Variants in DRC11 observed in about 807,000 individuals in gnomAD.
DRC11 encodes the protein IQ and AAA domain-containing protein 1.
chr2:236,398,586 G>T, the DRC11 span, among the ~76,000 whole-genome samples: 1 of 152,192 alleles, frequency 6.6e-6, no homozygotes, highest in South Asian at 2.1e-4. This position sits in a 1 kb window ranked among gnomAD's most constrained non-coding sequence, Gnocchi z 6.2. Flanking sequence ...AGGTCACCTT[G>T]GCAGGTCACT....
the DRC11 span, among the ~76,000 whole-genome samples, chr2:236,375,174 C>T: frequency 3.9e-5 from 6 of 152,274 alleles, no homozygotes; most frequent in East Asian, 1.9e-4. The surrounding 1 kb of genome is among the most constrained non-coding windows in gnomAD (Gnocchi z 4.2). Flanking sequence ...TTGGTGGGCG[C>T]ACAGATCTAA....
At chr2:236,387,982 T>A in the DRC11 span, among the ~76,000 whole-genome samples, 1 of 152,206 alleles carries the variant, frequency 6.6e-6, no homozygotes, top group Non-Finnish European at 1.5e-5. Context: ...GAATGTTGAA[T>A]ATTGGCCCCC....
chr2:236,387,121 G>GA, the DRC11 span, among the ~76,000 whole-genome samples: 1 of 151,934 alleles, frequency 6.6e-6, no homozygotes, highest in South Asian at 2.1e-4. Flanking sequence ...GTGTGGTGAT[G>GA]AAAAAAATGT....
chr2:236,401,912 A>T, the DRC11 span, among the ~76,000 whole-genome samples: 1 of 152,174 alleles, frequency 6.6e-6, no homozygotes, highest in African/African-American at 2.4e-5. This position sits in a 1 kb window ranked among gnomAD's most constrained non-coding sequence, Gnocchi z 4.6. Flanking sequence ...TCATTTCTTT[A>T]AAGACTCACT....
the DRC11 span, among the ~76,000 whole-genome samples, chr2:236,354,185 G>C: frequency 6.7e-6 from 1 of 148,886 alleles, no homozygotes; most frequent in African/African-American, 2.5e-5. Flanking sequence ...GTGTATGTCT[G>C]TGGTCAATGT....
At chr2:236,405,083 T>G in the DRC11 span, among the ~76,000 whole-genome samples, 1 of 152,140 alleles carries the variant, frequency 6.6e-6, no homozygotes, top group African/African-American at 2.4e-5. The surrounding 1 kb of genome is among the most constrained non-coding windows in gnomAD (Gnocchi z 4.6). Context: ...GTGATTAGCT[T>G]TCAATGTATG....
chr2:236,500,365 G>C, the DRC11 span, among the ~76,000 whole-genome samples: 21 of 152,088 alleles, frequency 1.4e-4, no homozygotes, highest in Non-Finnish European at 2.1e-4. The surrounding 1 kb of genome is among the most constrained non-coding windows in gnomAD (Gnocchi z 6.3). Flanking sequence ...ATCGCTTCCC[G>C]TTTGTCAGGG....
the DRC11 span, among the ~76,000 whole-genome samples, chr2:236,491,001 T>C: frequency 6.9e-6 from 1 of 144,718 alleles, no homozygotes; most frequent in Non-Finnish European, 1.5e-5. Context: ...CAAGAATATA[T>C]TGTGTGTATA....
the DRC11 span, among the ~76,000 whole-genome samples, chr2:236,502,237 T>C: frequency 0.16 from 23,809 of 152,128 alleles, 4,801 homozygotes; most frequent in African/African-American, 0.47. Context: ...TGCTTATAAA[T>C]GGCATGACTG....
chr2:236,428,773 T>C, the DRC11 span, among the ~76,000 whole-genome samples: 1 of 152,228 alleles, frequency 6.6e-6, no homozygotes, highest in African/African-American at 2.4e-5. Flanking sequence ...TGCTGCCACT[T>C]TATTACTTTC....
chr2:236,380,452 C>T, the DRC11 span: 6 of 808,694 alleles, frequency 7.4e-6, no homozygotes, highest in Non-Finnish European at 1.2e-5. The surrounding 1 kb of genome is among the most constrained non-coding windows in gnomAD (Gnocchi z 4.9). Flanking sequence ...TCCCACCACT[C>T]CGGGACTGTG....
chr2:236,369,811 G>A, the DRC11 span, among the ~76,000 whole-genome samples: 6 of 152,166 alleles, frequency 3.9e-5, no homozygotes, highest in Admixed American at 6.6e-5. The surrounding 1 kb of genome is among the most constrained non-coding windows in gnomAD (Gnocchi z 4.5). Context: ...TTCGGAGCTC[G>A]GAAAGTCCAG....
the DRC11 span, among the ~76,000 whole-genome samples, chr2:236,389,659 G>C: frequency 2.0e-5 from 3 of 152,316 alleles, no homozygotes; most frequent in South Asian, 2.1e-4. Flanking sequence ...GGCCGGAGCT[G>C]TTCCTATTCG....
chr2:236,356,094 C>A, the DRC11 span, among the ~76,000 whole-genome samples: 2 of 152,094 alleles, frequency 1.3e-5, no homozygotes. Context: ...TGCCTCGGCC[C>A]CGTTCTCCCA....
the DRC11 span, among the ~76,000 whole-genome samples, chr2:236,360,400 CTG>C: frequency 2.6e-5 from 4 of 152,136 alleles, no homozygotes; most frequent in African/African-American, 7.2e-5. The surrounding 1 kb of genome is among the most constrained non-coding windows in gnomAD (Gnocchi z 5.8). Flanking sequence ...ATGCAACAGT[CTG>C]GGATATATAG....
chr2:236,341,661 G>A, the DRC11 span, among the ~76,000 whole-genome samples: 2 of 152,140 alleles, frequency 1.3e-5, no homozygotes, highest in African/African-American at 4.8e-5. Context: ...GCAGGGATGC[G>A]GTGTGGTTTA....
the DRC11 span, among the ~76,000 whole-genome samples, chr2:236,351,949 G>A: frequency 6.6e-6 from 1 of 152,252 alleles, no homozygotes; most frequent in Non-Finnish European, 1.5e-5. The surrounding 1 kb of genome is among the most constrained non-coding windows in gnomAD (Gnocchi z 7.3). Context: ...GAAGAGGAGA[G>A]AGGCAAGGGC....
chr2:236,413,293 G>A, the DRC11 span, among the ~76,000 whole-genome samples: 1 of 152,168 alleles, frequency 6.6e-6, no homozygotes, highest in African/African-American at 2.4e-5. The surrounding 1 kb of genome is among the most constrained non-coding windows in gnomAD (Gnocchi z 4.0). Flanking sequence ...GTTTAACCAT[G>A]GGGTCCCTGT....
At chr2:236,402,768 T>G in the DRC11 span, among the ~76,000 whole-genome samples, 1 of 152,156 alleles carries the variant, frequency 6.6e-6, no homozygotes, top group Non-Finnish European at 1.5e-5. This position sits in a 1 kb window ranked among gnomAD's most constrained non-coding sequence, Gnocchi z 6.0. Flanking sequence ...GCCCCATTCC[T>G]GGCTCCCAAG....
Sources: allele counts gnomAD v4.1 joint callset (sites outside exome capture counted in the v4.1 genomes callset), GRCh38; gene constraint gnomAD v4.1.1; non-coding constraint Gnocchi (gnomAD v3.1); transcripts MANE v1.5; gene names NCBI Gene and HGNC (gene_info 2026-07-23, HGNC 2026-07-21).